Variants in PHTF2 observed in about 807,000 individuals in gnomAD.
PHTF2 encodes the protein putative homeodomain transcription factor 2, also known as protein PHTF2.
PHTF2 carries 60 observed loss-of-function variants against 101.2 expected under a neutral mutation model. The observed-to-expected ratio is 0.59, with a 90% CI of 0.48 to 0.73. The LOEUF (loss-of-function observed/expected upper bound fraction) is 0.73. Among genes scored for constraint, PHTF2 ranks in the 30% least tolerant of loss-of-function variants. The probability of loss-of-function intolerance (pLI) is 0.00; values close to 1 mark genes in which losing one functional copy is unlikely to be tolerated. For missense variants in PHTF2, 747 were observed against 908.7 expected (o/e 0.82, Z 2.29); for synonymous variants, 311 against 307.3 (o/e 1.01, Z -0.13).
At chr7:77,907,561 C>T (rs572583882) in intron 7 of PHTF2, among the ~76,000 whole-genome samples, 1 of 152,210 alleles carries the variant, frequency 6.6e-6, no homozygotes, top group South Asian at 2.1e-4. Context: ...CTGGGATTGT[C>T]CAACCCAAGT....
intron 1 of PHTF2, among the ~76,000 whole-genome samples, chr7:77,836,625 A>G (rs1795491473): frequency 6.6e-6 from 1 of 152,214 alleles, no homozygotes. Flanking sequence ...GCACAGGTAC[A>G]ACATGGAATA....
intron 3 of PHTF2, among the ~76,000 whole-genome samples, chr7:77,892,457 T>C (rs1800521948): frequency 1.3e-5 from 2 of 151,032 alleles, no homozygotes; most frequent in Non-Finnish European, 3.0e-5. Context: ...GGGTAAATTA[T>C]GTTGTGAGTC....
chr7:77,925,800 G>A (rs964629128), intron 11 of PHTF2, among the ~76,000 whole-genome samples: 2 of 152,114 alleles, frequency 1.3e-5, no homozygotes, highest in Non-Finnish European at 2.9e-5. Context: ...GCTCATGCTT[G>A]TAATCGCAGC....
At chr7:77,926,188 A>T (rs1330523773) in intron 11 of PHTF2, among the ~76,000 whole-genome samples, 1 of 152,242 alleles carries the variant, frequency 6.6e-6, no homozygotes, top group African/African-American at 2.4e-5. Context: ...TTTAATCCTG[A>T]TTAACAAGTC....
chr7:77,953,162 C>G (rs1806703266), intron 18 of PHTF2, among the ~76,000 whole-genome samples: 1 of 152,176 alleles, frequency 6.6e-6, no homozygotes, highest in Non-Finnish European at 1.5e-5. Context: ...GAGCACCTTC[C>G]TCTATGGCCC....
chr7:77,902,006 A>T (rs1801436406), intron 7 of PHTF2, 86 bp downstream of exon 6: 1 of 627,090 alleles, frequency 1.6e-6, no homozygotes, highest in Non-Finnish European at 2.5e-6. Flanking sequence ...TATGCTAACT[A>T]CTACTGAGTA....
chr7:77,863,086 A>G (rs1000270443), intron 3 of PHTF2, among the ~76,000 whole-genome samples: 1 of 152,208 alleles, frequency 6.6e-6, no homozygotes, highest in African/African-American at 2.4e-5. Context: ...TTCCCATTTG[A>G]ACTTTTGCCC....
At chr7:77,883,644 CA>C (rs1467118400) in intron 3 of PHTF2, among the ~76,000 whole-genome samples, 2 of 152,096 alleles carry the variant, frequency 1.3e-5, no homozygotes, top group Non-Finnish European at 2.9e-5. Context: ...AAACTGTAAG[CA>C]GTTAACAAAA....
At chr7:77,911,229 A>G (rs538617789) in intron 9 of PHTF2, among the ~76,000 whole-genome samples, 1 of 151,890 alleles carries the variant, frequency 6.6e-6, no homozygotes, top group Non-Finnish European at 1.5e-5. Flanking sequence ...TTTTGCATAC[A>G]ACTATACAAA....
At chr7:77,932,802 C>A (rs1804731098) in intron 12 of PHTF2, among the ~76,000 whole-genome samples, 1 of 152,064 alleles carries the variant, frequency 6.6e-6, no homozygotes, top group African/African-American at 2.4e-5. Flanking sequence ...CTATATCTGA[C>A]ATTTAATAAG....
chr7:77,807,303 A>G (rs1337090153), intron 1 of PHTF2, among the ~76,000 whole-genome samples: 3 of 151,642 alleles, frequency 2.0e-5, no homozygotes, highest in Non-Finnish European at 4.4e-5. Flanking sequence ...TTTTTGTACC[A>G]TTTTACAGTT....
intron 3 of PHTF2, among the ~76,000 whole-genome samples, chr7:77,868,940 AT>A (rs1377049603): frequency 6.6e-6 from 1 of 152,190 alleles, no homozygotes; most frequent in Non-Finnish European, 1.5e-5. Context: ...AACAACTTGA[AT>A]TTGTACCACA....
exon 20 of PHTF2, chr7:77,954,945 C>T (rs1806907320): frequency 1.2e-6 from 1 of 808,006 alleles, no homozygotes; most frequent in Admixed American, 2.4e-5. Flanking sequence ...TGCCTGAAAG[C>T]TTGTCACTGA....
intron 6 of PHTF2, among the ~76,000 whole-genome samples, chr7:77,901,344 C>T (rs1370804772): frequency 6.6e-6 from 1 of 152,066 alleles, no homozygotes; most frequent in Non-Finnish European, 1.5e-5. Context: ...AGAATGGGAC[C>T]AGGTACAATG....
At chr7:77,823,632 C>G (rs1166202635) in intron 1 of PHTF2, among the ~76,000 whole-genome samples, 2 of 152,116 alleles carry the variant, frequency 1.3e-5, no homozygotes, top group South Asian at 2.1e-4. Flanking sequence ...TAGATCAGAA[C>G]AAGGAGAAAG....
exon 12 of PHTF2, chr7:77,929,144 C>T (rs1288648762): frequency 1.9e-6 from 3 of 1,613,884 alleles, no homozygotes; most frequent in Non-Finnish European, 2.5e-6. Flanking sequence ...GCAGCTCTCG[C>T]TGTTCAAGTT....
chr7:77,937,369 T>A (rs1230827404), intron 12 of PHTF2, among the ~76,000 whole-genome samples: 1 of 152,198 alleles, frequency 6.6e-6, no homozygotes, highest in African/African-American at 2.4e-5. Context: ...CTGACATGTT[T>A]TAGTATATTT....
chr7:77,864,013 C>T (rs972520197), intron 3 of PHTF2, among the ~76,000 whole-genome samples: 1 of 152,132 alleles, frequency 6.6e-6, no homozygotes, highest in African/African-American at 2.4e-5. Context: ...CTCCTGAGCT[C>T]AAGTTATCCT....
rs527856623 is a variant in PHTF2 at position 77,952,262 on chromosome 7, A to C, written c.2211+550A>C. ...AATATTCATTATGTTTTTAGTTCTT[A>C]AAAGGAAAATATTTTTTAAAATTTC... On this transcript the variant is annotated intron_variant, in intron 18 of 19. Transcript: ENST00000416283. Among the ~76,000 whole-genome samples the C allele has an allele frequency of 4.9e-4, 75 of 152,240 alleles. 1 individual carries two copies. The highest frequency in any genetic ancestry group is 1.7e-3 in the African/African-American group (72 of 41,556).
Sources: allele counts gnomAD v4.1 joint callset (sites outside exome capture counted in the v4.1 genomes callset), GRCh38; gene constraint gnomAD v4.1.1; transcripts MANE v1.5; gene names NCBI Gene and HGNC (gene_info 2026-07-23, HGNC 2026-07-21).